Variants in ARHGAP45 observed in about 807,000 individuals in gnomAD.
ARHGAP45 encodes the protein Rho GTPase activating protein 45.
ARHGAP45 carries 56 observed loss-of-function variants against 116.1 expected under a neutral mutation model. The observed-to-expected ratio is 0.48, with a 90% CI of 0.39 to 0.60. The LOEUF (loss-of-function observed/expected upper bound fraction) is 0.60, where lower values mean the gene tolerates loss of function less well. ARHGAP45 is among the 20% of genes least tolerant of loss of function. The probability of loss-of-function intolerance (pLI) is 0.00; values close to 1 mark genes in which losing one functional copy is unlikely to be tolerated. For missense variants in ARHGAP45, 1,622 were observed against 1,601.0 expected, an observed-to-expected ratio of 1.01 and a Z score of -0.22; for synonymous variants, 866 against 701.7, an observed-to-expected ratio of 1.23 and a Z score of -3.70.
At chr19:1,074,434 G>T (rs762690352) in intron 8 of ARHGAP45, 27 bp downstream of exon 8, 2 of 1,494,992 alleles carry the variant, frequency 1.3e-6, no homozygotes, top group East Asian at 2.4e-5. Flanking sequence ...CACGGGGCGG[G>T]GGTCCCTGGG....
Position 1,085,642 on chromosome 19 carries a change from T to C in ARHGAP45, c.3065-18T>C, listed in dbSNP as rs1462492938. 2.0e-6 allele frequency: 3 copies of C among 1,523,932 alleles called. No individual in the cohort carries two copies. The highest frequency in any genetic ancestry group is 2.8e-5 in the African/African-American group (2 of 72,098). 94.4% of individuals were successfully genotyped at this position (1,523,932 alleles called of 1,614,324 possible). ...CTCTCCTGTCTGTCTCCCCCCGCCATCTGTCTCCCTTTCTTAGAATCCCGA... is the reference window on the plus strand; with the variant it reads ...CTCTCCTGTCTGTCTCCCCCCGCCACCTGTCTCCCTTTCTTAGAATCCCGA... On this transcript the variant is annotated intron_variant, in intron 22 of 22. Coordinates refer to ENST00000313093, the MANE Select transcript of ARHGAP45 (RefSeq NM_012292.5).
In ARHGAP45 at chr19:1,080,727, C is replaced by G. The variant is rs778966485; in HGVS notation, c.1958C>G (p.Ser653Trp). 5 of 1,613,634 alleles carry G rather than the reference C, an allele frequency of 3.1e-6. No homozygotes were observed. Among genetic ancestry groups the G allele is most frequent in the Admixed American group, 3.3e-5 (2 of 60,024 alleles). ...CGGACGTCATCCAGTGGTACCATGT[C>G]GTCCACGGAGGAGCTGGTGGACCCA... ...FERTSSSGTM[S>W]STEELVDPDG... is the part of the protein sequence containing the mutation. The change falls in exon 16 of 23, where the codon TCG becomes TGG. Residue 653 changes from serine (S) to tryptophan (W), a missense_variant. Coordinates refer to ENST00000313093, the MANE Select transcript of ARHGAP45 (RefSeq NM_012292.5).
chr19:1,073,805 G>T (rs2043183466), intron 5 of ARHGAP45, 59 bp downstream of exon 5: 7 of 1,544,852 alleles, frequency 4.5e-6, no homozygotes, highest in Non-Finnish European at 5.3e-6. Context: ...CCGGGTTCAG[G>T]TCTGCAGGGC....
chr19:1,085,566 C>T (rs2043598276), intron 22 of ARHGAP45, 94 bp from the exon 23 acceptor site: 1 of 927,712 alleles, frequency 1.1e-6, no homozygotes, highest in East Asian at 2.7e-5. Context: ...TCCCCCCTCT[C>T]CTGTCTCTCC....
In ARHGAP45 at chr19:1,086,135, G is replaced by A. The variant is rs180790253; in HGVS notation, c.*129G>A. The A allele has an allele frequency of 1.9e-4, 155 of 823,042 alleles. No individual in the cohort carries two copies. In the African/African-American group the frequency reaches 2.3e-3, roughly 12 times the overall value. The allele number at this position is 823,042 out of a possible 1,614,324, so 51.0% of individuals were successfully genotyped here. A position where few individuals can be genotyped will look rare whatever the true frequency, so the allele number is the denominator to read the frequency against. ...TCGCTGCCGAGAGCGCCTGGACTTC[G>A]ACGTCCCACCAGCGGGCGCCTCCTC... On this transcript the variant is annotated 3_prime_UTR_variant, in exon 23 of 23. Transcript: ENST00000313093.
intron 5 of ARHGAP45, 29 bp downstream of exon 5, chr19:1,073,775 G>C (rs746741665): frequency 1.3e-5 from 20 of 1,564,092 alleles, no homozygotes; most frequent in Non-Finnish European, 1.6e-5. Flanking sequence ...GGCCACCTGT[G>C]TCCAGCTTCT....
Position 1,082,672 on chromosome 19 carries a change from G to C in ARHGAP45, c.2518-168G>C, listed in dbSNP as rs1246293013. 17 of 603,208 alleles carry C rather than the reference G, an allele frequency of 2.8e-5. 1 individual carries two copies. In the South Asian group the frequency reaches 3.6e-4, roughly 13 times the overall value. 37.4% of individuals were successfully genotyped at this position (603,208 alleles called of 1,614,324 possible). On this transcript the variant is annotated intron_variant, in intron 19 of 22. Coordinates refer to ENST00000313093, the MANE Select transcript of ARHGAP45 (RefSeq NM_012292.5). ...GCGTGGCCCGGGTAGGAGGGGCAGG[G>C]CTCACGCTGGGCTGGGAAAGGGGAC...
chr19:1,067,742 G>C (rs2043065931), intron 1 of ARHGAP45: 1 of 677,964 alleles, frequency 1.5e-6, no homozygotes. Context: ...GGCCCAGGGA[G>C]CAGGAAGGGA....
chr19:1,081,964 G>T lies in ARHGAP45; in HGVS notation c.2517+3G>T. The T allele has an allele frequency of 1.2e-6, 2 of 1,609,228 alleles. No individual in the cohort carries two copies. The highest frequency in any genetic ancestry group is 2.2e-5 in the East Asian group (1 of 44,798). Reference sequence around the variant, plus strand: ...TCCTCAAGCTCTACCTGCGTCAGGTGAGACCCACCGGTGGTGGCCAGGCAG... The same window carrying T: ...TCCTCAAGCTCTACCTGCGTCAGGTTAGACCCACCGGTGGTGGCCAGGCAG... On this transcript the variant is annotated splice_donor_region_variant and intron_variant, in intron 19 of 22. Coordinates refer to ENST00000313093, the MANE Select transcript of ARHGAP45 (RefSeq NM_012292.5).
Position 1,074,708 on chromosome 19 carries a change from C to A in ARHGAP45, c.1088C>A (p.Thr363Asn). 6.2e-7 allele frequency: 1 copy of A among 1,609,556 alleles called. No homozygotes were observed. The highest frequency in any genetic ancestry group is 8.5e-7 in the Non-Finnish European group (1 of 1,178,894). Residue 363 changes from threonine (T) to asparagine (N), a missense_variant, in exon 9 of 23, where the codon ACC (threonine) becomes AAC (asparagine). By Grantham distance (65) the Thr-to-Asn change is moderately conservative. Coordinates refer to ENST00000313093, the MANE Select transcript of ARHGAP45 (RefSeq NM_012292.5). ...GTGCAGGCGGTGGGCACCTTGCAGA[C>A]CCAGACCTTCATGCAGGTGCGTGGT... ...SMVQAVGTLQ[T>N]QTFMQPLTLR...
chr19:1,081,579 G>T lies in ARHGAP45; in HGVS notation c.2220G>T (p.Leu740=). Residue 740 remains leucine (L), a synonymous_variant, in exon 18 of 23, where the codon CTG becomes CTT. Transcript: ENST00000313093. ...ECCLACHKKC[L]ETLAIQCGHK... The stretch of plus-strand genomic sequence containing the variant: ...GCCTGGCCTGCCACAAGAAATGTCT[G>T]GAGACGCTGGCCATACAGTGCGGGC... 1 of 1,499,742 alleles carries T rather than the reference G, an allele frequency of 6.7e-7. No individual in the cohort carries two copies. Among genetic ancestry groups the T allele is most frequent in the Non-Finnish European group, 8.9e-7 (1 of 1,122,610 alleles). 92.9% of individuals were successfully genotyped at this position (1,499,742 alleles called of 1,614,324 possible).
At position 1,069,495 on chromosome 19, in the gene ARHGAP45, A is replaced by G. The variant is rs1245534728; in HGVS notation, c.421+751A>G. ...TGCTCCCAGCAGCCGCCCATTTTAC[A>G]GATGACGAAACTAAGTCTCTAGTGA... On this transcript the variant is annotated intron_variant, in intron 2 of 22. Transcript: ENST00000313093. This position sits in a 1 kb window ranked among gnomAD's most constrained non-coding sequence, Gnocchi z 4.1. Among the ~76,000 whole-genome samples, 2 of 152,334 alleles carry G rather than the reference A, an allele frequency of 1.3e-5. No homozygotes were observed. Among genetic ancestry groups the G allele is most frequent in the East Asian group, 3.9e-4 (2 of 5,188 alleles).
In ARHGAP45 at chr19:1,083,191, C is replaced by A; in HGVS notation, c.2793C>A (p.Gly931=). 1 of 1,611,288 alleles carries A rather than the reference C, an allele frequency of 6.2e-7. No homozygotes were observed. ...QDNKMTPGNL[G]IVFGPTLLRP... is the part of the protein sequence containing the mutation. ...ACAAGATGACCCCCGGGAACCTGGG[C>A]ATCGTGTTCGGGCCCACGCTGCTTC... The change falls in exon 21 of 23, where the codon GGC becomes GGA. Residue 931 remains glycine, a synonymous_variant. Transcript: ENST00000313093.
rs142830154 is a variant in ARHGAP45, at chr19:1,085,874, G to A, written c.3279G>A (p.Pro1093=). ...ACGGGGACGGGGACGAGGACGGCCCGGCCCAGCAGCTCTCAGGATTCAACA... is the reference window on the plus strand; with the variant it reads ...ACGGGGACGGGGACGAGGACGGCCCAGCCCAGCAGCTCTCAGGATTCAACA... The part of the protein sequence containing the change: ...REDGDGDEDG[P]AQQLSGFNTN... The change falls in exon 23 of 23, where the codon CCG becomes CCA. Residue 1093 remains proline (P), a synonymous_variant. Coordinates refer to ENST00000313093, the MANE Select transcript of ARHGAP45 (RefSeq NM_012292.5). The A allele has an allele frequency of 9.8e-5, 158 of 1,610,836 alleles. No homozygotes were observed. Among genetic ancestry groups the A allele is most frequent in the East Asian group, 6.0e-4 (27 of 44,758 alleles).
chr19:1,081,380 G>A, intron 17 of ARHGAP45, 170 bp from the exon 18 acceptor site: 1 of 725,336 alleles, frequency 1.4e-6, no homozygotes, highest in East Asian at 2.8e-5. Context: ...AGGCCACAGG[G>A]CAGGCGGGAT....
intron 1 of ARHGAP45, chr19:1,067,761 G>C: frequency 1.5e-6 from 1 of 658,196 alleles, no homozygotes; most frequent in East Asian, 2.7e-5. Flanking sequence ...GAGGGTGCCG[G>C]GTTGGGACGA....
chr19:1,077,581 T>C (rs2043287616), intron 10 of ARHGAP45: 2 of 1,238,410 alleles, frequency 1.6e-6, no homozygotes, highest in South Asian at 3.4e-5. Flanking sequence ...ATACGGGGTT[T>C]CACTATGTTG....
rs139929664 is a variant in ARHGAP45 at position 1,082,857 on chromosome 19, C to T, written c.2535C>T (p.Ile845=). Residue 845 remains isoleucine, a synonymous_variant, in exon 20 of 23, where the codon ATC becomes ATT. Coordinates refer to ENST00000313093, the MANE Select transcript of ARHGAP45 (RefSeq NM_012292.5). ...CTGCGCAGCTTCCCGAGCCGCTCAT[C>T]TCCTTCCGCCTCTACCACGAGCTCG... The part of the protein sequence containing the change: ...LYLRQLPEPL[I]SFRLYHELVG... 334 of 1,534,788 alleles carry T rather than the reference C, an allele frequency of 2.2e-4. No individual in the cohort carries two copies. The highest frequency in any genetic ancestry group is 1.6e-3 in the Middle Eastern group (9 of 5,668).
At position 1,068,752 on chromosome 19, in the gene ARHGAP45, C is replaced by T. The variant is rs2043086455; in HGVS notation, c.421+8C>T. The stretch of plus-strand genomic sequence containing the variant: ...AGTGTGTGTTGCGTGACGGTGAGAG[C>T]CACGGGGACACCGAGGCCTGGGTGG... On this transcript the variant is annotated splice_region_variant and intron_variant, in intron 2 of 22. Coordinates refer to ENST00000313093, the MANE Select transcript of ARHGAP45 (RefSeq NM_012292.5). The surrounding 1 kb of genome is among the most constrained non-coding windows in gnomAD (Gnocchi z 7.5). The T allele has an allele frequency of 5.0e-6, 8 of 1,608,122 alleles. No homozygotes were observed. The South Asian group carries it at 6.6e-5, about 13-fold the overall frequency.
Sources: gnomAD v4.1 joint callset for allele counts (sites outside exome capture counted in the v4.1 genomes callset) on GRCh38, gnomAD v4.1.1 for gene constraint, Gnocchi (gnomAD v3.1) non-coding constraint, MANE v1.5 for transcripts, NCBI Gene and HGNC (gene_info 2026-07-23, HGNC 2026-07-21) for gene names.